SCN10A: variants seen among roughly 807,000 people sequenced by gnomAD.
SCN10A encodes the protein sodium voltage-gated channel alpha subunit 10, also known as sodium channel protein type 10 subunit alpha.
A neutral mutation model predicts 170.7 loss-of-function variants in SCN10A; 162 were observed. The ratio of observed to expected loss-of-function variants is 0.95; its 90% CI spans 0.84 to 1.08. SCN10A has a LOEUF of 1.08. Among genes scored for constraint, SCN10A ranks in the 50% least tolerant of loss-of-function variants. The pLI, the probability that SCN10A is intolerant of heterozygous loss-of-function variation, is 0.00. For missense variants in SCN10A, 2,527 were observed against 2,436.9 expected, an observed-to-expected ratio of 1.04 and a Z score of -0.78; for synonymous variants, 985 against 904.6, an observed-to-expected ratio of 1.09 and a Z score of -1.59.
Position 38,726,698 on chromosome 3 carries a change from T to C in SCN10A, c.2995A>G (p.Ile999Val). The C allele has an allele frequency of 1.2e-6, 2 of 1,612,558 alleles. No homozygotes were observed. The highest frequency in any genetic ancestry group is 2.2e-5 in the South Asian group (2 of 91,020). The change falls in exon 17 of 28, where the codon ATT becomes GTT. Residue 999 changes from isoleucine (I) to valine (V), a missense_variant. By Grantham distance (29) the Ile-to-Val change is conservative. Transcript: ENST00000449082. ...TCAAGATCAGATTCACCCTCAGCAATGGGCACAGAGACCCACACAGTCGGA... is the reference window on the plus strand; with the variant it reads ...TCAAGATCAGATTCACCCTCAGCAACGGGCACAGAGACCCACACAGTCGGA... Reference protein sequence around the residue: ...ANPTVWVSVPIAEGESDLDDL... With the variant: ...ANPTVWVSVPVAEGESDLDDL...
At chr3:38,712,730 T>G (rs1217344133) in intron 22 of SCN10A, among the ~76,000 whole-genome samples, 1 of 152,224 alleles carries the variant, frequency 6.6e-6, no homozygotes, top group Non-Finnish European at 1.5e-5. Flanking sequence ...AGTGTGAGTG[T>G]GTGTATTATA....
Position 38,697,935 on chromosome 3 carries a change from G to A in SCN10A, c.5285C>T (p.Ser1762Phe), listed in dbSNP as rs758177964. Reference sequence around the variant, plus strand: ...AGTGTCTGCAAAGTCCGAGAGAGCAGAAAAGGTAATAAACTGAGTGGCCTC... The same window carrying A: ...AGTGTCTGCAAAGTCCGAGAGAGCAAAAAAGGTAATAAACTGAGTGGCCTC... ...DPEATQFITF[S>F]ALSDFADTLS... Residue 1762 changes from serine to phenylalanine, a missense_variant, in exon 28 of 28, where the codon TCT becomes TTT. Coordinates refer to ENST00000449082, the MANE Select transcript of SCN10A (RefSeq NM_006514.4). 5.6e-6 allele frequency: 9 copies of A among 1,614,036 alleles called. No individual in the cohort carries two copies. In the East Asian group the frequency reaches 1.8e-4, roughly 32 times the overall value.
chr3:38,763,127 C>G (rs894083214), intron 6 of SCN10A, among the ~76,000 whole-genome samples: 1 of 152,208 alleles, frequency 6.6e-6, no homozygotes, highest in Non-Finnish European at 1.5e-5. Flanking sequence ...GGACTGCTTT[C>G]TCCCTTCCTC....
At chr3:38,728,474 T>G in intron 16 of SCN10A, 68 bp downstream of exon 16, 1 of 1,470,010 alleles carries the variant, frequency 6.8e-7, no homozygotes, top group Non-Finnish European at 9.0e-7. Flanking sequence ...ATCAAAGCTT[T>G]TTCAGATAAC....
At chr3:38,719,367 CTTTTTTTTTTTTTTTTTTTTTTTTTTTTT>C (rs555646896) in intron 20 of SCN10A, among the ~76,000 whole-genome samples, 2 of 69,106 alleles carry the variant, frequency 2.9e-5, no homozygotes, top group Non-Finnish European at 5.7e-5. Flanking sequence ...GGCTGCCACT[CTTTTTTTTTTTTTTTTTTTTTTTTTTTTT>C]TTTTTTTTTT....
intron 4 of SCN10A, among the ~76,000 whole-genome samples, chr3:38,774,376 C>T (rs1166975941): frequency 6.6e-6 from 1 of 152,192 alleles, no homozygotes; most frequent in African/African-American, 2.4e-5. Context: ...CACCAGAAGG[C>T]AAGTGCCCCA....
In SCN10A at chr3:38,728,818, C is replaced by T. The variant is rs2063485273; in HGVS notation, c.2364G>A (p.Gly788=). Residue 788 remains glycine (G), a synonymous_variant, in exon 16 of 28, where the codon GGG becomes GGA. Transcript: ENST00000449082. The part of the protein sequence containing the change: ...KIIGNSVGAL[G]NLTIILAIIV... ...TGATGGCCAGGATGATGGTGAGGTTCCCCAGTGCCCCCACTGAGTTTCCGA... is the reference window on the plus strand; with the variant it reads ...TGATGGCCAGGATGATGGTGAGGTTTCCCAGTGCCCCCACTGAGTTTCCGA... 2 of 1,614,116 alleles carry T rather than the reference C, an allele frequency of 1.2e-6. No individual in the cohort carries two copies. The highest frequency in any genetic ancestry group is 1.7e-6 in the Non-Finnish European group (2 of 1,180,032).
Position 38,767,464 on chromosome 3 carries a change from T to G in SCN10A, c.599+3815A>C, listed in dbSNP as rs1013086049. Among the ~76,000 whole-genome samples the G allele has an allele frequency of 2.0e-5, 3 of 152,014 alleles. No homozygotes were observed. In the South Asian group the frequency reaches 6.2e-4, roughly 31 times the overall value. On this transcript the variant is annotated intron_variant, in intron 5 of 27. Coordinates refer to ENST00000449082, the MANE Select transcript of SCN10A (RefSeq NM_006514.4). ...ACTATTATCATTCAGTTCAAAAAAT[T>G]TTTAAACTTCCATCTTGATTTCATT...
At chr3:38,709,022 G>A (rs2063241710) in intron 25 of SCN10A, among the ~76,000 whole-genome samples, 1 of 152,176 alleles carries the variant, frequency 6.6e-6, no homozygotes, top group Non-Finnish European at 1.5e-5. Context: ...ATTAATCAGA[G>A]TCGGCACCCT....
intron 1 of SCN10A, among the ~76,000 whole-genome samples, chr3:38,803,157 C>T (rs2064383952): frequency 6.6e-6 from 1 of 152,118 alleles, no homozygotes; most frequent in Non-Finnish European, 1.5e-5. Flanking sequence ...AAAACAGGTG[C>T]TGGAGAGGAT....
chr3:38,774,676 T>C (rs952945601), intron 4 of SCN10A, among the ~76,000 whole-genome samples: 1 of 152,222 alleles, frequency 6.6e-6, no homozygotes, highest in Admixed American at 6.5e-5. Flanking sequence ...ATCACTGAGA[T>C]ACCCAACTTG....
At chr3:38,727,859 G>A (rs961536154) in intron 16 of SCN10A, among the ~76,000 whole-genome samples, 4 of 152,104 alleles carry the variant, frequency 2.6e-5, no homozygotes, top group South Asian at 2.1e-4. Context: ...AGGCTGGGGC[G>A]GAGAAGGGGT....
intron 1 of SCN10A, among the ~76,000 whole-genome samples, chr3:38,800,156 CTCCT>C: frequency 6.6e-6 from 1 of 152,136 alleles, no homozygotes; most frequent in African/African-American, 2.4e-5. Context: ...AGAACCAAAG[CTCCT>C]ACAACAGACA....
At chr3:38,781,023 G>A (rs578248325) in intron 4 of SCN10A, among the ~76,000 whole-genome samples, 2 of 152,204 alleles carry the variant, frequency 1.3e-5, no homozygotes, top group East Asian at 3.9e-4. Context: ...GGCAGTTGAA[G>A]CAAATTGGAA....
chr3:38,715,509 T>G (rs1366757556), intron 21 of SCN10A, among the ~76,000 whole-genome samples: 1 of 152,230 alleles, frequency 6.6e-6, no homozygotes, highest in Non-Finnish European at 1.5e-5. Context: ...CCAGTCATAT[T>G]TCACCCACAC....
At chr3:38,777,180 A>G (rs1696877447) in intron 4 of SCN10A, among the ~76,000 whole-genome samples, 1 of 152,044 alleles carries the variant, frequency 6.6e-6, no homozygotes, top group Non-Finnish European at 1.5e-5. Context: ...TAAGACAGGA[A>G]AAATAAAAAA....
intron 11 of SCN10A, among the ~76,000 whole-genome samples, chr3:38,754,702 T>C (rs951606355): frequency 1.3e-5 from 2 of 152,136 alleles, no homozygotes; most frequent in Non-Finnish European, 2.9e-5. Context: ...TGCTGAAGTG[T>C]GGATGTGTCA....
In SCN10A at chr3:38,766,332, T is replaced by G. The variant is rs370321547; in HGVS notation, c.600-2736A>C. 1.2e-4 allele frequency among the ~76,000 whole-genome samples: 18 copies of G among 152,288 alleles called. No individual in the cohort carries two copies. The South Asian group carries it at 2.9e-3, about 25-fold the overall frequency. Reference sequence around the variant, plus strand: ...TGTTTCAGTTCTCAGGGGGAATGCTTTCAACTTTTCCCTGTTTGGTATAAT... The same window carrying G: ...TGTTTCAGTTCTCAGGGGGAATGCTGTCAACTTTTCCCTGTTTGGTATAAT... On this transcript the variant is annotated intron_variant, in intron 5 of 27. Coordinates refer to ENST00000449082, the MANE Select transcript of SCN10A (RefSeq NM_006514.4).
rs559321279 is a variant in SCN10A at position 38,741,318 on chromosome 3, ACACACG to A, written c.2106+967_2106+972del. Among the ~76,000 whole-genome samples, 642 of 151,234 alleles carry A rather than the reference ACACACG, an allele frequency of 4.2e-3. 9 individuals carry two copies. Among genetic ancestry groups the A allele is most frequent in the African/African-American group, 0.015 (599 of 41,196 alleles). ...CACACACACACACACACACACACAC[ACACACG>A]CAAGTCTTGTGAGGTGGCTTAATTC... On this transcript the variant is annotated intron_variant, in intron 14 of 27. Transcript: ENST00000449082.
Sources: gnomAD v4.1 joint callset for allele counts (sites outside exome capture counted in the v4.1 genomes callset) on GRCh38, gnomAD v4.1.1 for gene constraint, MANE v1.5 for transcripts, NCBI Gene and HGNC (gene_info 2026-07-23, HGNC 2026-07-21) for gene names.